The following NLGN1 variants were observed in gnomAD, a reference collection of about 807,000 sequenced individuals.
NLGN1 encodes neuroligin 1, also known as neuroligin-1.
A neutral mutation model predicts 65.5 loss-of-function variants in NLGN1; 12 were observed. That is an observed-to-expected ratio of 0.18 (90% CI 0.12 to 0.30). NLGN1 has a LOEUF of 0.30. NLGN1 is among the 10% of genes least tolerant of loss of function. The pLI, the probability that NLGN1 is intolerant of heterozygous loss-of-function variation, is 1.00. For synonymous variants in NLGN1, 350 were observed against 359.5 expected, an observed-to-expected ratio of 0.97 and a Z score of 0.30; for missense variants, 750 against 1,007.1, an observed-to-expected ratio of 0.74 and a Z score of 3.46.
intron 4 of NLGN1, among the ~76,000 whole-genome samples, chr3:173,916,258 A>G (rs981187325): frequency 2.0e-5 from 3 of 152,242 alleles, no homozygotes; most frequent in East Asian, 1.9e-4. Flanking sequence ...CAGCTACCCT[A>G]CTATTGCTGA....
chr3:174,185,480 T>C (rs1256240328), intron 4 of NLGN1, among the ~76,000 whole-genome samples: 1 of 152,178 alleles, frequency 6.6e-6, no homozygotes, highest in Non-Finnish European at 1.5e-5. Flanking sequence ...AATAACAGCA[T>C]CTGGCTAGTG....
chr3:173,602,202 G>A (rs963649817), intron 2 of NLGN1, among the ~76,000 whole-genome samples: 3 of 151,902 alleles, frequency 2.0e-5, no homozygotes, highest in African/African-American at 7.3e-5. Context: ...GAAAACTGAG[G>A]AATTTTTAAT....
At chr3:173,549,806 T>C (rs1361309002) in intron 2 of NLGN1, among the ~76,000 whole-genome samples, 1 of 152,074 alleles carries the variant, frequency 6.6e-6, no homozygotes, top group Non-Finnish European at 1.5e-5. Context: ...GTATAAGCTA[T>C]TTAGGATTTC....
chr3:173,437,715 C>A (rs527816420), intron 2 of NLGN1, among the ~76,000 whole-genome samples: 1 of 152,102 alleles, frequency 6.6e-6, no homozygotes, highest in Non-Finnish European at 1.5e-5. Flanking sequence ...TCTTTCATTG[C>A]CGTTCCTGCC....
chr3:173,671,479 A>C (rs942786298), intron 3 of NLGN1, among the ~76,000 whole-genome samples: 1 of 152,100 alleles, frequency 6.6e-6, no homozygotes, highest in African/African-American at 2.4e-5. Flanking sequence ...AGAAGAAGAA[A>C]AAAGAATTGA....
At chr3:173,416,822 A>G (rs1360697387) in intron 1 of NLGN1, among the ~76,000 whole-genome samples, 2 of 152,168 alleles carry the variant, frequency 1.3e-5, no homozygotes, top group Non-Finnish European at 2.9e-5. Flanking sequence ...TAATATATAT[A>G]GTTAAAGTGA....
At chr3:173,437,803 A>G (rs7620557) in intron 2 of NLGN1, among the ~76,000 whole-genome samples, 26,761 of 151,836 alleles carry the variant, frequency 0.18, 3,553 homozygotes, top group African/African-American at 0.38. Flanking sequence ...ACACACAGAT[A>G]TGCACACACA....
chr3:173,875,388 A>C (rs1040134729), intron 4 of NLGN1, among the ~76,000 whole-genome samples: 5 of 152,158 alleles, frequency 3.3e-5, no homozygotes, highest in Non-Finnish European at 7.4e-5. Context: ...CTTTTAGTCT[A>C]TTCATTTGTA....
chr3:173,420,040 T>G (rs1714711726), intron 1 of NLGN1, among the ~76,000 whole-genome samples: 1 of 150,452 alleles, frequency 6.6e-6, no homozygotes, highest in Non-Finnish European at 1.5e-5. Context: ...TTTTTTGTTT[T>G]CCATTTGCTT....
In NLGN1 at chr3:173,591,017, A is replaced by G. The variant is rs1000833951; in HGVS notation, c.-320-13262A>G. Among the ~76,000 whole-genome samples the G allele has an allele frequency of 4.6e-5, 7 of 152,162 alleles. 1 individual carries two copies. Among genetic ancestry groups the G allele is most frequent in the African/African-American group, 7.2e-5 (3 of 41,434 alleles). On this transcript the variant is annotated intron_variant, in intron 2 of 6. Transcript: ENST00000457714. ...TTACTAAAAGTTATTTCAAACAGGT[A>G]GAACGTGAACAATAAGACAATAAGA...
chr3:173,986,760 A>G (rs534521284), intron 4 of NLGN1, among the ~76,000 whole-genome samples: 15 of 152,310 alleles, frequency 9.8e-5, no homozygotes, highest in Admixed American at 3.3e-4. Flanking sequence ...ATAGAAATCT[A>G]TTCAATTGCC....
At chr3:173,842,791 G>C (rs1725029198) in intron 4 of NLGN1, among the ~76,000 whole-genome samples, 1 of 152,166 alleles carries the variant, frequency 6.6e-6, no homozygotes. Context: ...GGCTTTTCCA[G>C]GTGCATGGTG....
chr3:174,259,819 T>A (rs1437888405), intron 4 of NLGN1, among the ~76,000 whole-genome samples: 36 of 147,626 alleles, frequency 2.4e-4, no homozygotes, highest in Non-Finnish European at 4.9e-4. Context: ...TATCTCCCAA[T>A]GCTATCCCTC....
chr3:174,238,533 T>G (rs557046902), intron 4 of NLGN1, among the ~76,000 whole-genome samples: 11 of 152,228 alleles, frequency 7.2e-5, no homozygotes, highest in African/African-American at 2.4e-4. Context: ...CAGCTACTTT[T>G]TGTATTTTTA....
chr3:173,424,700 C>T (rs952698786), intron 1 of NLGN1, among the ~76,000 whole-genome samples: 2 of 152,164 alleles, frequency 1.3e-5, no homozygotes, highest in East Asian at 1.9e-4. Flanking sequence ...TTCCTTATCT[C>T]CTTCTGAGAC....
At chr3:173,931,410 A>C (rs947739163) in intron 4 of NLGN1, among the ~76,000 whole-genome samples, 1 of 152,172 alleles carries the variant, frequency 6.6e-6, no homozygotes, top group Non-Finnish European at 1.5e-5. Context: ...TTGGGTCCCT[A>C]TTTTCAAATA....
chr3:174,017,977 TA>T, intron 4 of NLGN1, among the ~76,000 whole-genome samples: 1 of 152,256 alleles, frequency 6.6e-6, no homozygotes, highest in Middle Eastern at 3.4e-3. Flanking sequence ...CTGGGAGTGC[TA>T]CGGGAGACCG....
At chr3:174,051,632 G>C (rs188228434) in intron 4 of NLGN1, among the ~76,000 whole-genome samples, 20 of 152,182 alleles carry the variant, frequency 1.3e-4, no homozygotes, top group Non-Finnish European at 2.4e-4. Flanking sequence ...ATGAGGGCAT[G>C]TCACAAAAAC....
chr3:173,669,027 A>G (rs1762105562), intron 3 of NLGN1, among the ~76,000 whole-genome samples: 1 of 152,234 alleles, frequency 6.6e-6, no homozygotes, highest in South Asian at 2.1e-4. Context: ...ATAGTGGATT[A>G]TCATAAGTGT....
Sources: gnomAD v4.1 joint callset for allele counts (sites outside exome capture counted in the v4.1 genomes callset) on GRCh38, gnomAD v4.1.1 for gene constraint, MANE v1.5 for transcripts, NCBI Gene and HGNC (gene_info 2026-07-23, HGNC 2026-07-21) for gene names.